The following DNM1 variants were observed in gnomAD, a reference collection of about 807,000 sequenced individuals.
DNM1 encodes dynamin-1.
A neutral mutation model predicts 104.6 loss-of-function variants in DNM1; 29 were observed. The observed-to-expected ratio is 0.28, with a 90% CI of 0.21 to 0.38. DNM1 has a LOEUF of 0.38. Ranked by LOEUF, DNM1 falls within the 10% of genes least tolerant of loss-of-function variation. The pLI, the probability that DNM1 is intolerant of heterozygous loss-of-function variation, is 1.00. For synonymous variants in DNM1, 445 were observed against 475.8 expected, an observed-to-expected ratio of 0.94 and a Z score of 0.84; for missense variants, 640 against 1,189.4, an observed-to-expected ratio of 0.54 and a Z score of 6.79.
At chr9:128,230,425 ATTTATTTC>A (rs1442094820) in intron 10 of DNM1, among the ~76,000 whole-genome samples, 14 of 148,194 alleles carry the variant, frequency 9.4e-5, no homozygotes, top group East Asian at 7.8e-4. Context: ...TTATTTATTT[ATTTATTTC>A]TTTATTTATT....
intron 1 of DNM1, among the ~76,000 whole-genome samples, chr9:128,209,457 G>A (rs1202082112): frequency 6.6e-6 from 1 of 152,166 alleles, no homozygotes; most frequent in African/African-American, 2.4e-5. Context: ...GCTGTCAGGC[G>A]TGGAGAAACG....
At chr9:128,212,896 A>G (rs186037260) in intron 1 of DNM1, among the ~76,000 whole-genome samples, 1 of 152,316 alleles carries the variant, frequency 6.6e-6, no homozygotes, top group Admixed American at 6.5e-5. Flanking sequence ...CCGTCACCCT[A>G]AAAAGAAATC....
At chr9:128,252,769 G>T in intron 21 of DNM1, 1 of 601,460 alleles carries the variant, frequency 1.7e-6, no homozygotes, top group South Asian at 1.5e-5. Context: ...GCACGAGTGT[G>T]CAGGGAGCTG....
At chr9:128,252,078 C>T (rs11795198) in intron 21 of DNM1, 6 of 200,220 alleles carry the variant, frequency 3.0e-5, no homozygotes, top group Admixed American at 1.6e-4. Context: ...CCTTTAGACA[C>T]GTCTCTTTCC....
At chr9:128,228,711 G>T (rs761401634) in intron 10 of DNM1, among the ~76,000 whole-genome samples, 1 of 152,192 alleles carries the variant, frequency 6.6e-6, no homozygotes, top group Non-Finnish European at 1.5e-5. Flanking sequence ...CTGGCCAGGC[G>T]CAGTGGCTCA....
chr9:128,219,074 GC>G lies in DNM1; in HGVS notation c.414del (p.Gly139GlufsTer2). 1 of 1,614,042 alleles carries G rather than the reference GC, an allele frequency of 6.2e-7. No individual in the cohort carries two copies. The highest frequency in any genetic ancestry group is 8.5e-7 in the Non-Finnish European group (1 of 1,180,048). Reference protein sequence around the residue: ...HVLNLTLVDLPGMTKVPVGDQ... With the variant: ...HVLNLTLVDLXGMTKVPVGDQ... ...TGCTGAACCTGACCCTGGTGGACCT[GC>G]CCGGAATGACCAAGGTCCCGGTGGG... On this transcript the variant is annotated frameshift_variant, in exon 4 of 22. Coordinates refer to ENST00000372923, the MANE Select transcript of DNM1 (RefSeq NM_004408.4). LOFTEE classifies it high-confidence loss of function.
At position 128,251,599 on chromosome 9, in the gene DNM1, G is replaced by A. The variant is rs113610022; in HGVS notation, c.2534+659G>A. The stretch of plus-strand genomic sequence containing the variant: ...AGCAGCTGGGGAAGCAGCCTGGGCC[G>A]TGGGCAAACTGATGGCTTTTTTCCT... On this transcript the variant is annotated intron_variant, in intron 21 of 21. Coordinates refer to ENST00000372923, the MANE Select transcript of DNM1 (RefSeq NM_004408.4). 1,156 of 155,502 alleles carry A rather than the reference G, an allele frequency of 7.4e-3. 13 individuals are homozygous for A. The highest frequency in any genetic ancestry group is 0.027 in the African/African-American group (1,100 of 41,064). The allele number at this position is 155,502 out of a possible 1,614,324, so 9.6% of individuals were successfully genotyped here.
Position 128,220,740 on chromosome 9 carries a change from C to CGTGT in DNM1, c.849+400_849+401insTGTG, listed in dbSNP as rs754950978. On this transcript the variant is annotated intron_variant, in intron 6 of 21. Coordinates refer to ENST00000372923, the MANE Select transcript of DNM1 (RefSeq NM_004408.4). This position sits in a 1 kb window ranked among gnomAD's most constrained non-coding sequence, Gnocchi z 5.2. ...TCCAGAACTGAAGTGCGCGCGCGCG[C>CGTGT]GCGTGTGTGTGTGTGTGTGTGTGTG... Among the ~76,000 whole-genome samples the CGTGT allele has an allele frequency of 0.046, 5,775 of 125,672 alleles. 401 individuals carry two copies. The highest frequency in any genetic ancestry group is 0.16 in the African/African-American group (5,422 of 34,496). 82.4% of individuals were successfully genotyped at this position (125,672 alleles called of 152,430 possible).
At chr9:128,206,056 C>T (rs1453974031) in intron 1 of DNM1, among the ~76,000 whole-genome samples, 2 of 152,186 alleles carry the variant, frequency 1.3e-5, no homozygotes, top group Non-Finnish European at 2.9e-5. Flanking sequence ...GCCAGGGAAA[C>T]TGAGGCTCAG....
In DNM1 at chr9:128,224,212, C is replaced by T. The variant is rs746709037; in HGVS notation, c.1197-39C>T. On this transcript the variant is annotated intron_variant, in intron 9 of 21. Transcript: ENST00000372923. This position sits in a 1 kb window ranked among gnomAD's most constrained non-coding sequence, Gnocchi z 4.3. The stretch of plus-strand genomic sequence containing the variant: ...GCCTGGCCCTCCTGGCCGGCACTGG[C>T]CTGTGACACTCTGCCCTTCTCCCGC... 1 of 1,600,136 alleles carries T rather than the reference C, an allele frequency of 6.2e-7. No homozygotes were observed. The highest frequency in any genetic ancestry group is 8.5e-7 in the Non-Finnish European group (1 of 1,172,432).
At chr9:128,231,559 C>T (rs1660840371) in intron 10 of DNM1, among the ~76,000 whole-genome samples, 1 of 152,134 alleles carries the variant, frequency 6.6e-6, no homozygotes. Flanking sequence ...ATAGGCAAAA[C>T]TCACCTTTGC....
At position 128,234,075 on chromosome 9, in the gene DNM1, A is replaced by G. The variant is rs992608425; in HGVS notation, c.1390A>G (p.Ile464Val). Residue 464 changes from isoleucine (I) to valine (V), a missense_variant, in exon 11 of 22, where the codon ATC (isoleucine) becomes GTC (valine). Transcript: ENST00000372923. ...GATGGAGCGCATCGTGACCACCCAC[A>G]TCCGGGAGCGCGAGGGCCGCACTAA... is the stretch of plus-strand genomic sequence containing the variant. The part of the protein sequence containing the change: ...EEMERIVTTH[I>V]REREGRTKEQ... 8 of 1,576,146 alleles carry G rather than the reference A, an allele frequency of 5.1e-6. No homozygotes were observed. The African/African-American group carries it at 6.8e-5, about 13-fold the overall frequency.
intron 16 of DNM1, among the ~76,000 whole-genome samples, chr9:128,246,770 C>T (rs114435806): frequency 2.0e-3 from 297 of 149,398 alleles, no homozygotes; most frequent in African/African-American, 6.7e-3. Context: ...CTCCCTCCCT[C>T]CCTTCCTCCC....
At chr9:128,230,914 T>C (rs1263770909) in intron 10 of DNM1, among the ~76,000 whole-genome samples, 1 of 152,158 alleles carries the variant, frequency 6.6e-6, no homozygotes, top group Non-Finnish European at 1.5e-5. Flanking sequence ...ACGATTCTTA[T>C]GCCTCAGCCT....
chr9:128,244,038 G>A (rs1836585327), intron 15 of DNM1, among the ~76,000 whole-genome samples: 1 of 151,480 alleles, frequency 6.6e-6, no homozygotes, highest in Non-Finnish European at 1.5e-5. Context: ...GGTGTGTTTG[G>A]AATATGTGGT....
Position 128,222,297 on chromosome 9 carries a change from T to C in DNM1, c.950T>C (p.Phe317Ser). The change falls in exon 7 of 22, where the codon TTC becomes TCC. Residue 317 changes from phenylalanine to serine, a missense_variant. Transcript: ENST00000372923. The surrounding 1 kb of genome is among the most constrained non-coding windows in gnomAD (Gnocchi z 7.8). ...AAGGAGGTGGAGGAATACAAGAACT[T>C]CCGCCCTGATGACCCAGCTCGCAAG... Reference protein sequence around the residue: ...IEKEVEEYKNFRPDDPARKTK... With the variant: ...IEKEVEEYKNSRPDDPARKTK... 4.3e-6 allele frequency: 7 copies of C among 1,614,066 alleles called. No individual in the cohort carries two copies. The highest frequency in any genetic ancestry group is 5.9e-6 in the Non-Finnish European group (7 of 1,179,958).
chr9:128,224,377 G>A lies in DNM1; in HGVS notation c.1323G>A (p.Gln441=), dbSNP rs1298200314. 2 of 1,610,228 alleles carry A rather than the reference G, an allele frequency of 1.2e-6. No individual in the cohort carries two copies. The highest frequency in any genetic ancestry group is 1.7e-6 in the Non-Finnish European group (2 of 1,177,322). ...CGGAGCTAATCAGCACCGTTAGACA[G>A]TGCACCAAGAAGGTAACCCGGAGGC... ...VISELISTVR[Q]CTKKLQQYPR... The change falls in exon 10 of 22, where the codon CAG becomes CAA. Residue 441 remains glutamine (Q), a synonymous_variant. Transcript: ENST00000372923. The surrounding 1 kb of genome is among the most constrained non-coding windows in gnomAD (Gnocchi z 4.3).
At position 128,243,735 on chromosome 9, in the gene DNM1, G is replaced by C. The variant is rs1053641866; in HGVS notation, c.1671+1390G>C. Among the ~76,000 whole-genome samples, 3 of 152,186 alleles carry C rather than the reference G, an allele frequency of 2.0e-5. No homozygotes were observed. The highest frequency in any genetic ancestry group is 7.2e-5 in the African/African-American group (3 of 41,446). ...AGGGCCAGGGAGACCATGTGACCTG[G>C]GGCTGAGGGCCGGAGACCGGGTGAC... On this transcript the variant is annotated intron_variant, in intron 15 of 21. Coordinates refer to ENST00000372923, the MANE Select transcript of DNM1 (RefSeq NM_004408.4). The surrounding 1 kb of genome is among the most constrained non-coding windows in gnomAD (Gnocchi z 4.0).
intron 1 of DNM1, among the ~76,000 whole-genome samples, chr9:128,216,893 T>A (rs1834638136): frequency 6.6e-6 from 1 of 152,200 alleles, no homozygotes; most frequent in African/African-American, 2.4e-5. Context: ...CAATGGTCCC[T>A]CGGGCTTCAA....
Sources: gnomAD v4.1 joint callset for allele counts (sites outside exome capture counted in the v4.1 genomes callset) on GRCh38, gnomAD v4.1.1 for gene constraint, Gnocchi (gnomAD v3.1) non-coding constraint, MANE v1.5 for transcripts, NCBI Gene and HGNC (gene_info 2026-07-23, HGNC 2026-07-21) for gene names.